The following DIPK1A variants were observed in gnomAD, a reference collection of about 807,000 sequenced individuals.
DIPK1A encodes family with sequence similarity 69 member A.
In DIPK1A, 27 loss-of-function variants were observed where a neutral mutation model predicts 40.8. The observed-to-expected ratio is 0.66, with a 90% CI of 0.49 to 0.91. The LOEUF is 0.91. Ranked by LOEUF, DIPK1A falls within the 40% of genes least tolerant of loss-of-function variation. DIPK1A has a pLI of 0.00. For missense variants in DIPK1A, 412 were observed against 505.7 expected (o/e 0.81, Z 1.78); for synonymous variants, 166 against 171.3 (o/e 0.97, Z 0.24).
At chr1:92,891,266 C>A (rs11164830) in intron 1 of DIPK1A, among the ~76,000 whole-genome samples, 91,095 of 151,442 alleles carry the variant, frequency 0.6, 28,375 homozygotes, top group East Asian at 0.94. Flanking sequence ...TTTTGAAAAA[C>A]CAATTTTTCA....
intron 2 of DIPK1A, among the ~76,000 whole-genome samples, chr1:92,856,605 T>C (rs1318771032): frequency 6.6e-6 from 1 of 151,996 alleles, no homozygotes; most frequent in Non-Finnish European, 1.5e-5. Flanking sequence ...TTAGTAGAGA[T>C]GGGGTTTCTC....
chr1:92,855,122 CA>C (rs1687940450), intron 2 of DIPK1A, among the ~76,000 whole-genome samples: 1 of 150,706 alleles, frequency 6.6e-6, no homozygotes, highest in Admixed American at 6.6e-5. Context: ...AAAAGTAAAA[CA>C]AAAAAACAAA....
At chr1:92,891,471 T>C (rs1648873746) in intron 1 of DIPK1A, among the ~76,000 whole-genome samples, 1 of 152,128 alleles carries the variant, frequency 6.6e-6, no homozygotes, top group Non-Finnish European at 1.5e-5. Context: ...ATCCCACAGG[T>C]TTTGTTATAT....
At chr1:92,891,131 T>C (rs1389885456) in intron 1 of DIPK1A, among the ~76,000 whole-genome samples, 1 of 152,198 alleles carries the variant, frequency 6.6e-6, no homozygotes, top group Non-Finnish European at 1.5e-5. Flanking sequence ...AAGTCTCTAA[T>C]GATACTCTGT....
At chr1:92,880,100 G>C (rs1439381509) in intron 1 of DIPK1A, among the ~76,000 whole-genome samples, 1 of 152,132 alleles carries the variant, frequency 6.6e-6, no homozygotes, top group Admixed American at 6.6e-5. Context: ...AAATCTTGTG[G>C]GGTAGCAGCC....
chr1:92,885,920 G>A (rs2481712), intron 1 of DIPK1A, among the ~76,000 whole-genome samples: 104,161 of 151,966 alleles, frequency 0.69, 36,206 homozygotes, highest in East Asian at 0.95. Flanking sequence ...TGTTTAAAAT[G>A]TATTATATTT....
Position 92,961,391 on chromosome 1 carries a change from T to C in DIPK1A, c.39A>G (p.Lys13=). 6.5e-7 allele frequency: 1 copy of C among 1,527,426 alleles called. No homozygotes were observed. Among genetic ancestry groups the C allele is most frequent in the Non-Finnish European group, 8.8e-7 (1 of 1,135,184 alleles). The allele number at this position is 1,527,426 out of a possible 1,614,324, so 94.6% of individuals were successfully genotyped here. A position where few individuals can be genotyped will look rare whatever the true frequency, so the allele number is the denominator to read the frequency against. ...RSLCPGAWLR[K]PYYLQARFSY... Reference sequence around the variant, plus strand: ...GCCGGCCTACCTGGAGGTAATAGGGTTTCCTTAGCCAGGCCCCCGGACAGA... The same window carrying C: ...GCCGGCCTACCTGGAGGTAATAGGGCTTCCTTAGCCAGGCCCCCGGACAGA... The change falls in exon 1 of 5, where the codon AAA becomes AAG. Residue 13 remains lysine, a synonymous_variant. Coordinates refer to ENST00000370310, the MANE Select transcript of DIPK1A (RefSeq NM_001006605.5).
In DIPK1A at chr1:92,843,668, A is replaced by G. The variant is rs912225809; in HGVS notation, c.1002T>C (p.Asp334=). The G allele has an allele frequency of 1.9e-6, 3 of 1,551,724 alleles. No individual in the cohort carries two copies. Among genetic ancestry groups the G allele is most frequent in the Non-Finnish European group, 2.6e-6 (3 of 1,146,994 alleles). Residue 334 remains aspartate (D), a synonymous_variant, in exon 5 of 5, where the codon GAT becomes GAC. Coordinates refer to ENST00000370310, the MANE Select transcript of DIPK1A (RefSeq NM_001006605.5). ...ELIKDRHCES[D]LDCVYGTDCR... ...AATCTGTGCCATAGACACAGTCCAA[A>G]TCAGACTCACAGTGACGATCCTTAA...
intron 1 of DIPK1A, among the ~76,000 whole-genome samples, chr1:92,953,567 T>G (rs983477336): frequency 1.3e-5 from 2 of 152,206 alleles, no homozygotes; most frequent in South Asian, 4.1e-4. Context: ...TGGAATACTA[T>G]TCACCTTTAA....
At chr1:92,936,629 C>CA (rs754629896) in intron 1 of DIPK1A, among the ~76,000 whole-genome samples, 438 of 102,136 alleles carry the variant, frequency 4.3e-3, no homozygotes, top group East Asian at 7.1e-3. Context: ...AACTCCGTCT[C>CA]AAAAAAAAAA....
chr1:92,913,762 T>C (rs940740789), intron 1 of DIPK1A, among the ~76,000 whole-genome samples: 2 of 152,226 alleles, frequency 1.3e-5, no homozygotes, highest in African/African-American at 4.8e-5. Context: ...TTTGGCCCTC[T>C]CTGCCTGTCT....
In DIPK1A at chr1:92,842,576, A is replaced by G. The variant is rs892896768; in HGVS notation, c.*807T>C. On this transcript the variant is annotated 3_prime_UTR_variant, in exon 5 of 5. Coordinates refer to ENST00000370310, the MANE Select transcript of DIPK1A (RefSeq NM_001006605.5). ...TGTTTGAAAATGGAAAGTTATTACT[A>G]AAAAGTCTGCTATAATTTATTTTAG... 2.0e-6 allele frequency: 2 copies of G among 982,840 alleles called. No homozygotes were observed. The highest frequency in any genetic ancestry group is 3.5e-5 in the African/African-American group (2 of 56,704). 60.9% of individuals were successfully genotyped at this position (982,840 alleles called of 1,614,324 possible).
chr1:92,890,632 C>T (rs1391203822), intron 1 of DIPK1A, among the ~76,000 whole-genome samples: 7 of 152,228 alleles, frequency 4.6e-5, no homozygotes, highest in Middle Eastern at 6.8e-3. Context: ...GATTTGTGTA[C>T]GTTGACCTAT....
intron 1 of DIPK1A, among the ~76,000 whole-genome samples, chr1:92,906,505 C>T (rs1383999534): frequency 1.3e-5 from 2 of 152,050 alleles, no homozygotes; most frequent in Non-Finnish European, 2.9e-5. Context: ...TTAGTGTCTT[C>T]ATCAATAAAA....
intron 1 of DIPK1A, among the ~76,000 whole-genome samples, chr1:92,897,728 G>T (rs1421711128): frequency 6.7e-6 from 1 of 148,368 alleles, no homozygotes; most frequent in African/African-American, 2.5e-5. Flanking sequence ...TTAATTTCCT[G>T]TTTGTAACAT....
intron 1 of DIPK1A, among the ~76,000 whole-genome samples, chr1:92,911,209 G>A (rs977822362): frequency 6.6e-6 from 1 of 152,144 alleles, no homozygotes; most frequent in Non-Finnish European, 1.5e-5. Flanking sequence ...GAGTTTTGGG[G>A]AGGTGACTAA....
intron 2 of DIPK1A, among the ~76,000 whole-genome samples, chr1:92,852,729 G>C (rs1687861317): frequency 6.6e-6 from 1 of 151,820 alleles, no homozygotes; most frequent in Non-Finnish European, 1.5e-5. Flanking sequence ...GACAGACAGG[G>C]ATAAAACACA....
chr1:92,928,150 C>T (rs149517454), intron 1 of DIPK1A, among the ~76,000 whole-genome samples: 3 of 152,172 alleles, frequency 2.0e-5, no homozygotes, highest in Non-Finnish European at 4.4e-5. Context: ...TATAGCCATC[C>T]TAGTGGATGT....
At chr1:92,873,430 C>T (rs1647972052) in intron 2 of DIPK1A, among the ~76,000 whole-genome samples, 1 of 152,126 alleles carries the variant, frequency 6.6e-6, no homozygotes, top group Non-Finnish European at 1.5e-5. Flanking sequence ...GCCTGGCCAA[C>T]ATGGCAAAAC....
Sources: gnomAD v4.1 joint callset for allele counts (sites outside exome capture counted in the v4.1 genomes callset) on GRCh38, gnomAD v4.1.1 for gene constraint, MANE v1.5 for transcripts, NCBI Gene and HGNC (gene_info 2026-07-23, HGNC 2026-07-21) for gene names.